Variants in TBC1D31 observed in about 807,000 individuals in gnomAD.
The protein encoded by TBC1D31 is WD repeat domain 67.
TBC1D31 carries 99 observed loss-of-function variants against 132.9 expected under a neutral mutation model. The observed-to-expected ratio is 0.74, with a 90% CI of 0.63 to 0.88. The LOEUF (loss-of-function observed/expected upper bound fraction) is 0.88, where lower values mean the gene tolerates loss of function less well. Among genes scored for constraint, TBC1D31 ranks in the 40% least tolerant of loss-of-function variants. TBC1D31 has a pLI of 0.00. For missense variants in TBC1D31, 1,134 were observed against 1,256.6 expected (o/e 0.90, Z 1.48); for synonymous variants, 385 against 419.4 (o/e 0.92, Z 1.00).
chr8:123,156,670 G>T (rs1260206472), downstream of TBC1D31, among the ~76,000 whole-genome samples: 14 of 152,080 alleles, frequency 9.2e-5, no homozygotes. Context: ...ACAGCTTCCG[G>T]CATATGGTAT....
In TBC1D31 at chr8:123,139,283, AT is replaced by A. The variant is rs1821404258; in HGVS notation, c.2500-1477del. ...GATAGACCCATCATAAAATCAAAAAATCATTACGTCAACTCAAAGACCGTCT... is the reference window on the plus strand; with the variant it reads ...GATAGACCCATCATAAAATCAAAAAACATTACGTCAACTCAAAGACCGTCT... On this transcript the variant is annotated intron_variant, in intron 17 of 21. Coordinates refer to ENST00000287380, the MANE Select transcript of TBC1D31 (RefSeq NM_145647.4). 3.3e-5 allele frequency among the ~76,000 whole-genome samples: 5 copies of A among 152,330 alleles called. No individual in the cohort carries two copies. The South Asian group carries it at 1.0e-3, about 32-fold the overall frequency.
intron 20 of TBC1D31, among the ~76,000 whole-genome samples, chr8:123,149,332 A>G (rs1017541326): frequency 1.9e-4 from 29 of 152,228 alleles, no homozygotes; most frequent in African/African-American, 6.5e-4. Context: ...AGCTTTTCAG[A>G]GAGGTAAAAG....
At chr8:123,135,850 G>T (rs1418402538) in intron 17 of TBC1D31, among the ~76,000 whole-genome samples, 2 of 152,084 alleles carry the variant, frequency 1.3e-5, no homozygotes, top group Non-Finnish European at 2.9e-5. Flanking sequence ...ATTTTCTTTG[G>T]GGGTGGAGGA....
At chr8:123,078,484 C>A (rs999867390) in intron 2 of TBC1D31, among the ~76,000 whole-genome samples, 1 of 152,068 alleles carries the variant, frequency 6.6e-6, no homozygotes, top group African/African-American at 2.4e-5. Flanking sequence ...CTTCGTACAC[C>A]CAGAGGGCCT....
the TBC1D31 span, among the ~76,000 whole-genome samples, chr8:123,159,630 T>TA: frequency 2.0e-5 from 3 of 152,016 alleles, no homozygotes; most frequent in African/African-American, 7.3e-5. Context: ...CCATCTCTAC[T>TA]AAAAATACAA....
chr8:123,141,019 C>A, intron 18 of TBC1D31, 118 bp downstream of exon 18: 1 of 887,366 alleles, frequency 1.1e-6, no homozygotes, highest in East Asian at 2.5e-5. Context: ...TTCTTTGCTT[C>A]AGTTGTCACA....
chr8:123,142,512 TTA>T, intron 19 of TBC1D31, 56 bp downstream of exon 19: 59 of 1,328,762 alleles, frequency 4.4e-5, no homozygotes, highest in South Asian at 7.3e-5. Context: ...TTTTTTTTTT[TTA>T]AAAGACAGAG....
intron 16 of TBC1D31, among the ~76,000 whole-genome samples, chr8:123,131,294 G>A (rs1423091482): frequency 1.3e-5 from 2 of 149,732 alleles, no homozygotes; most frequent in East Asian, 4.0e-4. Flanking sequence ...ACCCTGGGAG[G>A]TGGATGCTGC....
At chr8:123,128,946 A>T in intron 14 of TBC1D31, 120 bp from the exon 15 acceptor site, 1 of 644,976 alleles carries the variant, frequency 1.6e-6, no homozygotes, top group Non-Finnish European at 2.5e-6. Flanking sequence ...GAAATATTAA[A>T]GATAGTTAAT....
At chr8:123,112,259 T>C (rs2130582004) in intron 10 of TBC1D31, among the ~76,000 whole-genome samples, 1 of 152,356 alleles carries the variant, frequency 6.6e-6, no homozygotes, top group East Asian at 1.9e-4. Context: ...TTCATTTGTT[T>C]TCAGTTTTTT....
At chr8:123,074,300 G>A (rs1234709201) in intron 1 of TBC1D31, among the ~76,000 whole-genome samples, 1 of 149,692 alleles carries the variant, frequency 6.7e-6, no homozygotes, top group South Asian at 2.1e-4. Context: ...GATTACAGGC[G>A]TAAGCCACCG....
intron 7 of TBC1D31, chr8:123,103,730 C>T (rs528799489): frequency 9.2e-5 from 14 of 152,340 alleles, no homozygotes; most frequent in African/African-American, 3.1e-4. Flanking sequence ...CCTTGCAAAC[C>T]TTCTTAATAG....
At chr8:123,086,715 G>C (rs1815792385) in intron 4 of TBC1D31, among the ~76,000 whole-genome samples, 1 of 149,310 alleles carries the variant, frequency 6.7e-6, no homozygotes, top group South Asian at 2.1e-4. Context: ...CTTCCTCCCT[G>C]TTCTTTTTTT....
downstream of TBC1D31, among the ~76,000 whole-genome samples, chr8:123,156,965 C>T (rs1451043944): frequency 6.6e-6 from 1 of 152,188 alleles, no homozygotes; most frequent in Non-Finnish European, 1.5e-5. Flanking sequence ...CCCCCCGCGA[C>T]GGCCAGTGCC....
At chr8:123,103,080 A>G (rs904173579) in intron 7 of TBC1D31, 2 of 152,244 alleles carry the variant, frequency 1.3e-5, no homozygotes, top group African/African-American at 2.4e-5. Flanking sequence ...TGAGGCTCTC[A>G]GGAACCTGAC....
chr8:123,120,104 T>A lies in TBC1D31; in HGVS notation c.1486T>A (p.Tyr496Asn), dbSNP rs1819327036. The A allele has an allele frequency of 1.2e-6, 2 of 1,610,902 alleles. No homozygotes were observed. Among genetic ancestry groups the A allele is most frequent in the Admixed American group, 3.4e-5 (2 of 59,562 alleles). The change falls in exon 11 of 22, where the codon TAT (tyrosine) becomes AAT (asparagine). Residue 496 changes from tyrosine (Y) to asparagine (N), a missense_variant. Physicochemically the swap from Tyr to Asn is moderately radical, Grantham distance 143. Transcript: ENST00000287380. Reference protein sequence around the residue: ...HWSVIFSDTPYLPLLAFPFVK... With the variant: ...HWSVIFSDTPNLPLLAFPFVK... The stretch of plus-strand genomic sequence containing the variant: ...GTCTGTCATTTTTAGTGACACACCA[T>A]ATCTTCCACTCTTGGCATTTCCATT...
intron 6 of TBC1D31, 102 bp downstream of exon 6, chr8:123,097,543 CAAT>C: frequency 7.7e-7 from 1 of 1,294,828 alleles, no homozygotes; most frequent in Non-Finnish European, 1.0e-6. Flanking sequence ...CTGGCTGTTA[CAAT>C]AATTTGAAAT....
At chr8:123,072,953 C>G in intron 1 of TBC1D31, 107 bp downstream of exon 1, 1 of 1,157,554 alleles carries the variant, frequency 8.6e-7, no homozygotes, top group Non-Finnish European at 1.2e-6. Context: ...GACCTTGCCC[C>G]GCATCCCTGG....
rs1586524766 is a variant in TBC1D31 at position 123,073,760 on chromosome 8, A to G, written c.77+914A>G. Reference sequence around the variant, plus strand: ...GGGTGCAGTGGCGCGACCTCGGCTCACTGCATCCTCCACCTCCCGAGTTAA... The same window carrying G: ...GGGTGCAGTGGCGCGACCTCGGCTCGCTGCATCCTCCACCTCCCGAGTTAA... On this transcript the variant is annotated intron_variant, in intron 1 of 21. Coordinates refer to ENST00000287380, the MANE Select transcript of TBC1D31 (RefSeq NM_145647.4). Among the ~76,000 whole-genome samples, 4 of 152,214 alleles carry G rather than the reference A, an allele frequency of 2.6e-5. No homozygotes were observed. In the Middle Eastern group the frequency reaches 0.014, roughly 518 times the overall value.
Sources: allele counts gnomAD v4.1 joint callset (sites outside exome capture counted in the v4.1 genomes callset), GRCh38; gene constraint gnomAD v4.1.1; transcripts MANE v1.5; gene names NCBI Gene and HGNC (gene_info 2026-07-23, HGNC 2026-07-21).